TUBGCP3: variants seen among roughly 807,000 people sequenced by gnomAD.
TUBGCP3 encodes gamma-tubulin complex component 3.
Under a neutral mutation model 123.1 loss-of-function variants are expected in TUBGCP3, and 50 were observed. The ratio of observed to expected loss-of-function variants is 0.41; its 90% CI spans 0.32 to 0.51. TUBGCP3 has a LOEUF of 0.51. Ranked by LOEUF, TUBGCP3 falls within the 20% of genes least tolerant of loss-of-function variation. The probability of loss-of-function intolerance (pLI) is 0.36; values close to 1 mark genes in which losing one functional copy is unlikely to be tolerated. For missense variants in TUBGCP3, 882 were observed against 1,127.0 expected (o/e 0.78, Z 3.11); for synonymous variants, 405 against 413.9 (o/e 0.98, Z 0.26).
chr13:112,488,770 C>G (rs1452873459), intron 21 of TUBGCP3, among the ~76,000 whole-genome samples: 1 of 137,210 alleles, frequency 7.3e-6, no homozygotes, highest in African/African-American at 2.8e-5. Context: ...GCACAGGGGT[C>G]ACCCCCAGGT....
At chr13:112,498,515 G>C (rs1053941456) in intron 20 of TUBGCP3, among the ~76,000 whole-genome samples, 3 of 152,246 alleles carry the variant, frequency 2.0e-5, no homozygotes, top group African/African-American at 7.2e-5. Flanking sequence ...CGTCATGTCA[G>C]TGATGAAAAA....
At chr13:112,509,853 A>C (rs1292496092) in intron 17 of TUBGCP3, among the ~76,000 whole-genome samples, 1 of 152,174 alleles carries the variant, frequency 6.6e-6, no homozygotes, top group African/African-American at 2.4e-5. Context: ...ATGACTATGA[A>C]CTCAATTCAC....
At chr13:112,579,802 C>T (rs1882154991) in intron 1 of TUBGCP3, among the ~76,000 whole-genome samples, 1 of 152,268 alleles carries the variant, frequency 6.6e-6, no homozygotes, top group Admixed American at 6.5e-5. Context: ...AATGAGCATG[C>T]ACCTGCCCTG....
chr13:112,512,183 G>C (rs1476886116), intron 17 of TUBGCP3, among the ~76,000 whole-genome samples: 1 of 152,180 alleles, frequency 6.6e-6, no homozygotes, highest in African/African-American at 2.4e-5. Flanking sequence ...TACTTTGGGA[G>C]GCCAAGGCGG....
intron 11 of TUBGCP3, among the ~76,000 whole-genome samples, chr13:112,533,729 T>C (rs940548853): frequency 2.7e-5 from 4 of 150,522 alleles, no homozygotes; most frequent in African/African-American, 9.8e-5. Context: ...AGCCCGCATA[T>C]TACCACATCA....
At chr13:112,498,086 CACAA>C (rs1326044287) in intron 20 of TUBGCP3, among the ~76,000 whole-genome samples, 7 of 152,114 alleles carry the variant, frequency 4.6e-5, no homozygotes, top group South Asian at 4.2e-4. Context: ...AAAGCACACA[CACAA>C]ACACATACAC....
At chr13:112,503,163 T>C (rs766391844) in intron 19 of TUBGCP3, among the ~76,000 whole-genome samples, 2 of 152,062 alleles carry the variant, frequency 1.3e-5, no homozygotes, top group Non-Finnish European at 2.9e-5. Flanking sequence ...AGGTGAAAAA[T>C]GCATTTGAAA....
chr13:112,554,019 T>G (rs759613704), intron 8 of TUBGCP3, 38 bp downstream of exon 8: 1 of 1,595,870 alleles, frequency 6.3e-7, no homozygotes, highest in African/African-American at 1.4e-5. Context: ...TTTCCCAAAG[T>G]GCGCAGCATC....
chr13:112,517,305 G>T (rs528757077), intron 16 of TUBGCP3, among the ~76,000 whole-genome samples: 3 of 152,106 alleles, frequency 2.0e-5, no homozygotes, highest in South Asian at 4.2e-4. Context: ...TTTTTTCCTC[G>T]AGTCCTTCTA....
the TUBGCP3 span, among the ~76,000 whole-genome samples, chr13:112,596,982 A>C: frequency 6.6e-6 from 1 of 152,250 alleles, no homozygotes; most frequent in Non-Finnish European, 1.5e-5. Flanking sequence ...AAGATTTGGG[A>C]GAATAAGAAC....
At chr13:112,504,485 CAA>C (rs34264269) in intron 18 of TUBGCP3, 139 bp downstream of exon 18, 48,217 of 349,304 alleles carry the variant, frequency 0.14, 2 homozygotes, top group East Asian at 0.18. Flanking sequence ...GACTCCATCT[CAA>C]AAAAAAAAAA....
intron 17 of TUBGCP3, among the ~76,000 whole-genome samples, chr13:112,515,547 C>A (rs1159441812): frequency 6.6e-6 from 1 of 152,184 alleles, no homozygotes; most frequent in Non-Finnish European, 1.5e-5. Flanking sequence ...CTCAGCACGG[C>A]CCTCCTCCCG....
intron 6 of TUBGCP3, among the ~76,000 whole-genome samples, chr13:112,555,563 G>T (rs528796396): frequency 1.3e-5 from 2 of 152,292 alleles, no homozygotes; most frequent in African/African-American, 4.8e-5. Context: ...CCCTCCATGA[G>T]GTATTCATCT....
Position 112,547,636 on chromosome 13 carries a change from T to A in TUBGCP3, c.1152A>T (p.Leu384=). The change falls in exon 10 of 22, where the codon CTA becomes CTT. Residue 384 remains leucine, a synonymous_variant. Coordinates refer to ENST00000261965, the MANE Select transcript of TUBGCP3 (RefSeq NM_006322.6). The part of the protein sequence containing the change: ...PKIRLKTLAA[L]VDHCQGRKGG... Reference sequence around the variant, plus strand: ...GCGTGGGACCTTGGCAGTGGTCCACTAGGGCCGCAAGGGTCTTCAGTCGTA... The same window carrying A: ...GCGTGGGACCTTGGCAGTGGTCCACAAGGGCCGCAAGGGTCTTCAGTCGTA... 6.4e-7 allele frequency: 1 copy of A among 1,553,816 alleles called. No homozygotes were observed. The highest frequency in any genetic ancestry group is 1.2e-5 in the South Asian group (1 of 83,642).
intron 1 of TUBGCP3, among the ~76,000 whole-genome samples, chr13:112,570,408 T>C (rs1478601778): frequency 1.3e-5 from 2 of 152,060 alleles, no homozygotes; most frequent in Admixed American, 6.6e-5. Flanking sequence ...AAAAAGTGAG[T>C]CACATGAAAC....
chr13:112,556,415 G>C (rs1880048768), intron 5 of TUBGCP3, among the ~76,000 whole-genome samples, 191 bp from the exon 6 acceptor site: 1 of 152,148 alleles, frequency 6.6e-6, no homozygotes. Context: ...ACTTGGTCAA[G>C]CCTCCTTGCG....
chr13:112,559,248 G>A, intron 4 of TUBGCP3, 74 bp downstream of exon 4: 1 of 1,229,590 alleles, frequency 8.1e-7, no homozygotes, highest in South Asian at 1.4e-5. Flanking sequence ...TTTCTTAGCT[G>A]CAGAAGCCGT....
intron 1 of TUBGCP3, among the ~76,000 whole-genome samples, chr13:112,580,361 C>T (rs886186264): frequency 4.6e-5 from 7 of 151,702 alleles, no homozygotes; most frequent in Non-Finnish European, 1.0e-4. Context: ...GTCAGCCCTG[C>T]GTGGTGGCTC....
At chr13:112,567,845 G>A (rs530701756) in intron 2 of TUBGCP3, among the ~76,000 whole-genome samples, 1 of 152,316 alleles carries the variant, frequency 6.6e-6, no homozygotes, top group South Asian at 2.1e-4. Flanking sequence ...AACAGCCAGG[G>A]GTGGAAAACT....
Sources: gnomAD v4.1 joint callset for allele counts (sites outside exome capture counted in the v4.1 genomes callset) on GRCh38, gnomAD v4.1.1 for gene constraint, MANE v1.5 for transcripts, NCBI Gene and HGNC (gene_info 2026-07-23, HGNC 2026-07-21) for gene names.